Variants in SUCLG2 observed in about 807,000 individuals in gnomAD.
The protein encoded by SUCLG2 is succinate-CoA ligase GDP-forming subunit beta, also known as succinate--CoA ligase [GDP-forming] subunit beta, mitochondrial.
In SUCLG2, 42 loss-of-function variants were observed where a neutral mutation model predicts 47.9. That is an observed-to-expected ratio of 0.88 (90% confidence interval 0.69 to 1.14). The LOEUF (loss-of-function observed/expected upper bound fraction) is 1.14. SUCLG2 is among the 50% of genes most tolerant of loss of function. The pLI, the probability that SUCLG2 is intolerant of heterozygous loss-of-function variation, is 0.00. For missense variants in SUCLG2, 571 were observed against 525.9 expected (o/e 1.09, Z -0.84); for synonymous variants, 195 against 197.3 (o/e 0.99, Z 0.10).
intron 2 of SUCLG2, among the ~76,000 whole-genome samples, chr3:67,581,488 G>A (rs763438624): frequency 5.3e-5 from 8 of 152,152 alleles, no homozygotes; most frequent in Admixed American, 2.0e-4. Flanking sequence ...GAAGAGGAGG[G>A]CATGCAATGA....
intron 9 of SUCLG2, among the ~76,000 whole-genome samples, chr3:67,468,816 G>A (rs1704535469): frequency 6.6e-6 from 1 of 152,140 alleles, no homozygotes; most frequent in South Asian, 2.1e-4. Flanking sequence ...TAAGCTTCGG[G>A]GTGGTTTATT....
chr3:67,632,192 A>AT lies in SUCLG2; in HGVS notation c.84+22310dup, dbSNP rs1014686186. Among the ~76,000 whole-genome samples, 330 of 151,178 alleles carry AT rather than the reference A, an allele frequency of 2.2e-3. 2 individuals carry two copies. Among genetic ancestry groups the AT allele is most frequent in the African/African-American group, 7.6e-3 (314 of 41,234 alleles). ...ATTCTACAGGGAAAATCCAGAGTTC[A>AT]TTTTTTTTTAGACACAGTTTCACTC... is the stretch of plus-strand genomic sequence containing the variant. On this transcript the variant is annotated intron_variant, in intron 1 of 10. Transcript: ENST00000307227.
intron 9 of SUCLG2, among the ~76,000 whole-genome samples, chr3:67,444,314 C>T (rs1167023009): frequency 1.2e-4 from 10 of 81,398 alleles, no homozygotes; most frequent in African/African-American, 2.7e-4. Context: ...CCCGGCCAGC[C>T]GCCCCGTCTG....
At chr3:67,584,210 C>T (rs995458291) in intron 2 of SUCLG2, among the ~76,000 whole-genome samples, 9 of 152,100 alleles carry the variant, frequency 5.9e-5, no homozygotes, top group Admixed American at 3.3e-4. Flanking sequence ...GAATACTCTT[C>T]GGTAACACAA....
At chr3:67,605,257 G>A (rs992491945) in intron 2 of SUCLG2, among the ~76,000 whole-genome samples, 1 of 152,050 alleles carries the variant, frequency 6.6e-6, no homozygotes, top group Non-Finnish European at 1.5e-5. Flanking sequence ...AACTTCAATC[G>A]TGCTCTTGGT....
intron 4 of SUCLG2, among the ~76,000 whole-genome samples, chr3:67,523,754 A>G (rs781356525): frequency 1.3e-5 from 2 of 152,212 alleles, no homozygotes; most frequent in Non-Finnish European, 2.9e-5. Context: ...TGTGTTTGGT[A>G]TATGCTTTCA....
At chr3:67,378,931 A>C (rs77382533) in intron 10 of SUCLG2, among the ~76,000 whole-genome samples, 5,127 of 152,202 alleles carry the variant, frequency 0.034, 218 homozygotes, top group East Asian at 0.2. Flanking sequence ...TTGGACCAGA[A>C]GGTAAATGAC....
chr3:67,392,014 T>C (rs1025347495), intron 10 of SUCLG2, among the ~76,000 whole-genome samples: 4 of 152,142 alleles, frequency 2.6e-5, no homozygotes, highest in Non-Finnish European at 4.4e-5. Flanking sequence ...GGGTCTGATG[T>C]TTTTGTCAGT....
chr3:67,587,386 G>T (rs1222566879), intron 2 of SUCLG2, among the ~76,000 whole-genome samples: 1 of 152,238 alleles, frequency 6.6e-6, no homozygotes, highest in Non-Finnish European at 1.5e-5. Flanking sequence ...ATGAGTGAGG[G>T]CCTATCATAC....
At chr3:67,508,296 A>G (rs1465085426) in intron 7 of SUCLG2, among the ~76,000 whole-genome samples, 1 of 152,230 alleles carries the variant, frequency 6.6e-6, no homozygotes, top group Non-Finnish European at 1.5e-5. Context: ...CCATAAAGGC[A>G]TATGCCTTCA....
intron 1 of SUCLG2, among the ~76,000 whole-genome samples, chr3:67,651,228 T>A (rs1701279496): frequency 6.6e-6 from 1 of 152,176 alleles, no homozygotes; most frequent in Non-Finnish European, 1.5e-5. Context: ...GGATTCAGCC[T>A]CTGTATGGTT....
At chr3:67,381,108 T>C (rs1288723907) in intron 10 of SUCLG2, among the ~76,000 whole-genome samples, 2 of 151,864 alleles carry the variant, frequency 1.3e-5, no homozygotes, top group African/African-American at 4.8e-5. Flanking sequence ...GCACAGAAGG[T>C]CAAGGCTGCA....
intron 9 of SUCLG2, among the ~76,000 whole-genome samples, chr3:67,454,448 G>A (rs1211794645): frequency 6.6e-6 from 1 of 151,640 alleles, no homozygotes; most frequent in Non-Finnish European, 1.5e-5. Context: ...GCCTACCCAT[G>A]TATCCTCTAC....
chr3:67,463,377 T>A (rs1344039700), intron 9 of SUCLG2, among the ~76,000 whole-genome samples: 1 of 152,184 alleles, frequency 6.6e-6, no homozygotes, highest in East Asian at 1.9e-4. Flanking sequence ...CATTTCTCAG[T>A]ATGGCCCAAG....
At chr3:67,445,856 C>A (rs1703915023) in intron 9 of SUCLG2, among the ~76,000 whole-genome samples, 1 of 55,792 alleles carries the variant, frequency 1.8e-5, no homozygotes, top group Non-Finnish European at 3.8e-5. Context: ...TAACTTTCTT[C>A]AAAATGGGGT....
At position 67,552,188 on chromosome 3, in the gene SUCLG2, A is replaced by G. The variant is rs773366839; in HGVS notation, c.227-23002T>C. ...ACTCCATCTCAAAAAAAAAAAAAAA[A>G]AAAAGAAAAAAGAAAAAATGGGGAA... On this transcript the variant is annotated intron_variant, in intron 2 of 10. Coordinates refer to ENST00000307227, the MANE Select transcript of SUCLG2 (RefSeq NM_003848.4). Among the ~76,000 whole-genome samples, 625 of 151,604 alleles carry G rather than the reference A, an allele frequency of 4.1e-3. 5 individuals are homozygous for G. The highest frequency in any genetic ancestry group is 0.01 in the Middle Eastern group (3 of 292).
At chr3:67,388,444 G>C (rs1423930099) in intron 10 of SUCLG2, among the ~76,000 whole-genome samples, 1 of 152,170 alleles carries the variant, frequency 6.6e-6, no homozygotes, top group African/African-American at 2.4e-5. Flanking sequence ...AACTACCAGG[G>C]ATACTCACTA....
At chr3:67,385,503 A>G (rs1382294443) in intron 10 of SUCLG2, among the ~76,000 whole-genome samples, 1 of 152,074 alleles carries the variant, frequency 6.6e-6, no homozygotes, top group African/African-American at 2.4e-5. Flanking sequence ...CTGACTGAAT[A>G]TTTGAATGGA....
intron 9 of SUCLG2, among the ~76,000 whole-genome samples, chr3:67,463,584 G>A (rs1383346808): frequency 1.3e-5 from 2 of 152,202 alleles, no homozygotes; most frequent in African/African-American, 4.8e-5. Context: ...TAAATAAGGA[G>A]AAGAGTATCT....
Sources: gnomAD v4.1 joint callset for allele counts (sites outside exome capture counted in the v4.1 genomes callset) on GRCh38, gnomAD v4.1.1 for gene constraint, MANE v1.5 for transcripts, NCBI Gene and HGNC (gene_info 2026-07-23, HGNC 2026-07-21) for gene names.